The following SNX29 variants were observed in gnomAD, a reference collection of about 807,000 sequenced individuals.
SNX29 encodes the protein sorting nexin-29.
A neutral mutation model predicts 102.1 loss-of-function variants in SNX29; 78 were observed. That is an observed-to-expected ratio of 0.76 (90% CI 0.64 to 0.92). The LOEUF (loss-of-function observed/expected upper bound fraction) is 0.92, where lower values mean the gene tolerates loss of function less well. Among genes scored for constraint, SNX29 ranks in the 40% least tolerant of loss-of-function variants. The pLI is 0.00. For missense variants in SNX29, 1,280 were observed against 1,061.7 expected, an observed-to-expected ratio of 1.21 and a Z score of -2.86; for synonymous variants, 580 against 414.5, an observed-to-expected ratio of 1.40 and a Z score of -4.85.
intron 10 of SNX29, 67 bp downstream of exon 10, chr16:12,069,199 CT>C (rs2151300541): frequency 1.4e-6 from 2 of 1,393,984 alleles, no homozygotes; most frequent in Non-Finnish European, 2.0e-6. Context: ...GCATTTTATT[CT>C]TTTTTAAAGA....
intron 13 of SNX29, among the ~76,000 whole-genome samples, chr16:12,176,410 A>G (rs1405761725): frequency 6.6e-6 from 1 of 152,136 alleles, no homozygotes; most frequent in Non-Finnish European, 1.5e-5. Flanking sequence ...TGTTCCAGAA[A>G]CTATGTCTAG....
chr16:11,992,809 A>G (rs2055905318), intron 1 of SNX29, among the ~76,000 whole-genome samples: 1 of 152,132 alleles, frequency 6.6e-6, no homozygotes, highest in Non-Finnish European at 1.5e-5. Flanking sequence ...CACCAGGGAA[A>G]TGTCTAGCAT....
chr16:12,095,333 C>A (rs1413062113), intron 11 of SNX29: 4 of 152,148 alleles, frequency 2.6e-5, no homozygotes, highest in Non-Finnish European at 5.9e-5. Flanking sequence ...TTTATTCCTG[C>A]CAATTTCAGG....
chr16:12,493,181 A>G (rs1418640785), intron 19 of SNX29, among the ~76,000 whole-genome samples: 1 of 152,196 alleles, frequency 6.6e-6, no homozygotes, highest in Non-Finnish European at 1.5e-5. Context: ...ATGTTCTTCC[A>G]TTTGATGGAA....
intron 9 of SNX29, among the ~76,000 whole-genome samples, chr16:12,067,505 T>G (rs1387558930): frequency 6.6e-6 from 1 of 152,186 alleles, no homozygotes; most frequent in Non-Finnish European, 1.5e-5. Context: ...TTTCTCTTTT[T>G]GAGACGGAGT....
intron 19 of SNX29, among the ~76,000 whole-genome samples, chr16:12,494,832 C>T (rs13332247): frequency 0.026 from 3,967 of 152,276 alleles, 172 homozygotes; most frequent in African/African-American, 0.089. Flanking sequence ...CCGCTGTGAG[C>T]TGGGCCGCCT....
Position 12,571,780 on chromosome 16 carries a change from C to T in SNX29, c.*3151C>T, listed in dbSNP as rs116685154. ...TCCTGATCTGAGACAGAACCTTCTC[C>T]GCCACTCTTCCTGCAATCAGTGTGA... On this transcript the variant is annotated 3_prime_UTR_variant, in exon 21 of 21. Coordinates refer to ENST00000566228, the MANE Select transcript of SNX29 (RefSeq NM_032167.5). 192 of 1,006,738 alleles carry T rather than the reference C, an allele frequency of 1.9e-4. 1 individual carries two copies. In the African/African-American group the frequency reaches 2.3e-3, roughly 12 times the overall value. 62.4% of individuals were successfully genotyped at this position (1,006,738 alleles called of 1,614,324 possible). A position where few individuals can be genotyped will look rare whatever the true frequency, so the allele number is the denominator to read the frequency against.
At chr16:12,567,467 C>G (rs1248460441) in intron 20 of SNX29, among the ~76,000 whole-genome samples, 1 of 152,202 alleles carries the variant, frequency 6.6e-6, no homozygotes, top group Non-Finnish European at 1.5e-5. Flanking sequence ...GTCCCCTTAT[C>G]TAGCAAAAGG....
At chr16:12,533,004 G>A (rs184505699) in intron 20 of SNX29, among the ~76,000 whole-genome samples, 8 of 152,326 alleles carry the variant, frequency 5.3e-5, no homozygotes, top group Middle Eastern at 3.4e-3. Flanking sequence ...TGAGCCCCTC[G>A]TCTGTGGGGA....
chr16:12,548,719 G>C (rs1180391761), intron 20 of SNX29, among the ~76,000 whole-genome samples: 3 of 152,218 alleles, frequency 2.0e-5, no homozygotes, highest in Admixed American at 6.5e-5. Context: ...GTGTAGGAGG[G>C]GTACATCCAG....
intron 13 of SNX29, among the ~76,000 whole-genome samples, chr16:12,160,903 G>C (rs935583965): frequency 2.6e-5 from 4 of 152,194 alleles, no homozygotes; most frequent in Admixed American, 2.6e-4. Context: ...GAAATATTGA[G>C]ATCTTGACTG....
At chr16:12,551,767 C>G (rs561757215) in intron 20 of SNX29, among the ~76,000 whole-genome samples, 17 of 152,304 alleles carry the variant, frequency 1.1e-4, no homozygotes, top group Non-Finnish European at 1.9e-4. Context: ...TGTACACATA[C>G]CAGGGGCCCG....
chr16:12,268,397 A>G, intron 14 of SNX29, among the ~76,000 whole-genome samples: 1 of 152,230 alleles, frequency 6.6e-6, no homozygotes, highest in East Asian at 1.9e-4. Context: ...CGGTAGAGCC[A>G]GACTTTGACT....
intron 11 of SNX29, among the ~76,000 whole-genome samples, chr16:12,085,277 G>A (rs1223963996): frequency 2.0e-5 from 3 of 152,098 alleles, no homozygotes; most frequent in Non-Finnish European, 4.4e-5. Context: ...CAGCAGGTCC[G>A]AGGAGAGTGG....
intron 15 of SNX29, among the ~76,000 whole-genome samples, chr16:12,312,862 C>G (rs2080605444): frequency 6.6e-6 from 1 of 152,096 alleles, no homozygotes; most frequent in Non-Finnish European, 1.5e-5. Flanking sequence ...CTAAAACAAC[C>G]AGTTCTACCT....
chr16:12,134,491 G>T (rs977698909), intron 13 of SNX29, among the ~76,000 whole-genome samples: 4 of 152,198 alleles, frequency 2.6e-5, no homozygotes, highest in Non-Finnish European at 4.4e-5. Context: ...GTTGGCAGGA[G>T]GCTTCAGCTC....
At chr16:12,519,241 G>A (rs74806771) in intron 19 of SNX29, among the ~76,000 whole-genome samples, 3,166 of 152,312 alleles carry the variant, frequency 0.021, 35 homozygotes, top group Non-Finnish European at 0.025. Flanking sequence ...GTGGACCTCC[G>A]TGAACAGCTT....
intron 1 of SNX29, among the ~76,000 whole-genome samples, chr16:11,986,033 G>T (rs2055608987): frequency 6.6e-6 from 1 of 151,962 alleles, no homozygotes; most frequent in Non-Finnish European, 1.5e-5. Context: ...TCGAACTCCT[G>T]ACCTCAGGTG....
At chr16:12,562,455 C>A (rs920072173) in intron 20 of SNX29, among the ~76,000 whole-genome samples, 4 of 152,162 alleles carry the variant, frequency 2.6e-5, no homozygotes, top group Admixed American at 1.3e-4. Context: ...TGACTTTGAT[C>A]CCCCTTCATA....
Sources: allele counts gnomAD v4.1 joint callset (sites outside exome capture counted in the v4.1 genomes callset), GRCh38; gene constraint gnomAD v4.1.1; transcripts MANE v1.5; gene names NCBI Gene and HGNC (gene_info 2026-07-23, HGNC 2026-07-21).